FTCDNL1: variants seen among roughly 807,000 people sequenced by gnomAD.
FTCDNL1 encodes the protein formiminotransferase cyclodeaminase N-terminal like.
FTCDNL1 carries 11 observed loss-of-function variants against 5.9 expected under a neutral mutation model. The ratio of observed to expected loss-of-function variants is 1.87; its 90% CI spans 1.18 to 3.10. FTCDNL1 has a LOEUF of 3.10. Ranked by LOEUF, FTCDNL1 falls within the 30% of genes most tolerant of loss-of-function variation. The pLI, the probability that FTCDNL1 is intolerant of heterozygous loss-of-function variation, is 0.00. For missense variants in FTCDNL1, 115 were observed against 65.5 expected, an observed-to-expected ratio of 1.76 and a Z score of -2.61; for synonymous variants, 58 against 24.8, an observed-to-expected ratio of 2.34 and a Z score of -3.99.
intron 4 of FTCDNL1, among the ~76,000 whole-genome samples, chr2:199,817,881 T>C (rs766914988): frequency 3.3e-5 from 5 of 152,210 alleles, no homozygotes; most frequent in Non-Finnish European, 5.9e-5. Flanking sequence ...TAGATCAGAT[T>C]GGGAAGCAAT....
At chr2:199,835,009 AC>A (rs1702628781) in intron 3 of FTCDNL1, among the ~76,000 whole-genome samples, 1 of 151,854 alleles carries the variant, frequency 6.6e-6, no homozygotes, top group African/African-American at 2.4e-5. Flanking sequence ...CCCTGTCTCT[AC>A]AAAAAAAAAA....
In FTCDNL1 at chr2:199,822,920, T is replaced by G. The variant is rs147965776; in HGVS notation, c.212-3163A>C. On this transcript the variant is annotated intron_variant, in intron 3 of 4. Coordinates refer to ENST00000420128, the MANE Select transcript of FTCDNL1 (RefSeq NM_001363886.2). ...GGCTGGAGTGCACTGGCATGATGTA[T>G]GCTCACTGCAACATCTGCCTCCCAG... Among the ~76,000 whole-genome samples, 529 of 152,312 alleles carry G rather than the reference T, an allele frequency of 3.5e-3. 2 individuals carry two copies. The highest frequency in any genetic ancestry group is 0.012 in the African/African-American group (497 of 41,584).
At chr2:199,772,319 C>G (rs866511085) in intron 3 of FTCDNL1, among the ~76,000 whole-genome samples, 2 of 152,184 alleles carry the variant, frequency 1.3e-5, no homozygotes, top group African/African-American at 4.8e-5. Flanking sequence ...CCACCGTTGA[C>G]TAACAGTAAC....
the FTCDNL1 span, among the ~76,000 whole-genome samples, chr2:199,713,764 TC>T: frequency 6.6e-6 from 1 of 152,192 alleles, no homozygotes; most frequent in Non-Finnish European, 1.5e-5. Context: ...AAAGTAAGGA[TC>T]TAAATAGTAA....
chr2:199,840,525 A>T (rs1574680017), intron 3 of FTCDNL1, among the ~76,000 whole-genome samples: 2 of 151,996 alleles, frequency 1.3e-5, no homozygotes, highest in East Asian at 3.8e-4. Context: ...GGGGAAGCTA[A>T]ATTTTCATAT....
chr2:199,835,502 T>A (rs1175924431), intron 3 of FTCDNL1, among the ~76,000 whole-genome samples: 1 of 152,178 alleles, frequency 6.6e-6, no homozygotes, highest in Non-Finnish European at 1.5e-5. Context: ...ACTCTTACTC[T>A]ACCAATAGAG....
intron 3 of FTCDNL1, among the ~76,000 whole-genome samples, chr2:199,835,373 C>T (rs1702659520): frequency 6.6e-6 from 1 of 152,164 alleles, no homozygotes; most frequent in South Asian, 2.1e-4. Context: ...ATGAATTATT[C>T]AACCTATGTA....
chr2:199,820,420 ATAGT>A (rs1340850390), intron 3 of FTCDNL1, among the ~76,000 whole-genome samples: 1 of 152,198 alleles, frequency 6.6e-6, no homozygotes, highest in East Asian at 1.9e-4. Context: ...CCTGGGCAAC[ATAGT>A]TAGACTCCTA....
chr2:199,815,059 G>A (rs1307253857), intron 4 of FTCDNL1, among the ~76,000 whole-genome samples: 1 of 152,124 alleles, frequency 6.6e-6, no homozygotes, highest in Non-Finnish European at 1.5e-5. Flanking sequence ...ATACATGCAG[G>A]CCATTCATAC....
At chr2:199,686,097 A>G in the FTCDNL1 span, among the ~76,000 whole-genome samples, 3 of 152,258 alleles carry the variant, frequency 2.0e-5, no homozygotes, top group Admixed American at 6.5e-5. Flanking sequence ...AACTTACTTC[A>G]GACCCCAGAA....
intron 3 of FTCDNL1, among the ~76,000 whole-genome samples, chr2:199,782,948 A>G (rs1173390681): frequency 2.0e-5 from 3 of 152,176 alleles, no homozygotes; most frequent in Middle Eastern, 3.2e-3. Context: ...TCCTTAACAT[A>G]TTGTCAACCA....
chr2:199,838,976 C>A (rs1702947146), intron 3 of FTCDNL1, among the ~76,000 whole-genome samples: 4 of 152,098 alleles, frequency 2.6e-5, no homozygotes, highest in African/African-American at 9.7e-5. Context: ...TCTGGGGAAC[C>A]TGAACAGCTC....
the FTCDNL1 span, among the ~76,000 whole-genome samples, chr2:199,733,108 A>G: frequency 2.0e-5 from 3 of 152,322 alleles, no homozygotes; most frequent in Admixed American, 6.5e-5. Flanking sequence ...AAGAGGCTTC[A>G]TGGAGAAGGT....
chr2:199,726,117 T>A, the FTCDNL1 span, among the ~76,000 whole-genome samples: 7 of 152,194 alleles, frequency 4.6e-5, no homozygotes, highest in Admixed American at 3.3e-4. Context: ...TTTGTCTGCC[T>A]GTCATATTTC....
chr2:199,792,324 T>C (rs911657759), intron 3 of FTCDNL1, among the ~76,000 whole-genome samples: 2 of 152,094 alleles, frequency 1.3e-5, no homozygotes, highest in Non-Finnish European at 2.9e-5. Flanking sequence ...ACCAGAGATC[T>C]CACTTCTATC....
the FTCDNL1 span, among the ~76,000 whole-genome samples, chr2:199,731,698 C>T: frequency 6.6e-6 from 1 of 152,122 alleles, no homozygotes; most frequent in South Asian, 2.1e-4. Flanking sequence ...ACCATCCCAG[C>T]TAAAACGGTG....
chr2:199,756,886 G>A (rs1019331510), downstream of FTCDNL1, among the ~76,000 whole-genome samples: 14 of 152,156 alleles, frequency 9.2e-5, no homozygotes, highest in African/African-American at 3.4e-4. Context: ...TCTGGCACAG[G>A]GAAAGAGGAA....
the FTCDNL1 span, among the ~76,000 whole-genome samples, chr2:199,682,558 T>C: frequency 2.0e-5 from 3 of 152,294 alleles, no homozygotes; most frequent in East Asian, 5.8e-4. Flanking sequence ...TACATACTGT[T>C]CTATCAGTCT....
At chr2:199,830,843 T>C (rs1483604637) in intron 3 of FTCDNL1, among the ~76,000 whole-genome samples, 1 of 152,158 alleles carries the variant, frequency 6.6e-6, no homozygotes, top group Non-Finnish European at 1.5e-5. Context: ...CTGGATGTTA[T>C]TCTAAGGGAC....
Sources: allele counts gnomAD v4.1 joint callset (sites outside exome capture counted in the v4.1 genomes callset), GRCh38; gene constraint gnomAD v4.1.1; transcripts MANE v1.5; gene names NCBI Gene and HGNC (gene_info 2026-07-23, HGNC 2026-07-21).